AKAP6: variants seen among roughly 807,000 people sequenced by gnomAD.
The protein encoded by AKAP6 is A-kinase anchor protein 6.
In AKAP6, 58 loss-of-function variants were observed where a neutral mutation model predicts 188.5. The ratio of observed to expected loss-of-function variants is 0.31; its 90% CI spans 0.25 to 0.38. The LOEUF is 0.38. Ranked by LOEUF, AKAP6 falls within the 10% of genes least tolerant of loss-of-function variation. AKAP6 has a pLI of 1.00. For synonymous variants in AKAP6, 989 were observed against 998.6 expected (o/e 0.99, Z 0.18); for missense variants, 2,710 against 2,740.0 (o/e 0.99, Z 0.24).
chr14:32,815,439 T>TA (rs1398079339), intron 12 of AKAP6, among the ~76,000 whole-genome samples: 7 of 152,170 alleles, frequency 4.6e-5, no homozygotes, highest in African/African-American at 1.7e-4. Context: ...TTGCCTTTTT[T>TA]AAAAAAAGGT....
intron 9 of AKAP6, among the ~76,000 whole-genome samples, chr14:32,722,088 A>G (rs2030568585): frequency 6.6e-6 from 1 of 152,166 alleles, no homozygotes; most frequent in South Asian, 2.1e-4. Context: ...TCCTCTAAAT[A>G]TTCAAAATCT....
chr14:32,625,512 C>T (rs772423853), intron 7 of AKAP6, among the ~76,000 whole-genome samples: 1 of 151,968 alleles, frequency 6.6e-6, no homozygotes, highest in Non-Finnish European at 1.5e-5. Context: ...ATTATTCTAT[C>T]TGGGGCTATA....
At chr14:32,800,984 G>A (rs1178269159) in intron 12 of AKAP6, among the ~76,000 whole-genome samples, 1 of 152,022 alleles carries the variant, frequency 6.6e-6, no homozygotes, top group Non-Finnish European at 1.5e-5. Context: ...ACCACTACGT[G>A]CCAGCCTGGG....
chr14:32,585,748 T>G (rs1028140931), intron 5 of AKAP6, among the ~76,000 whole-genome samples: 2 of 152,032 alleles, frequency 1.3e-5, no homozygotes, highest in Admixed American at 6.6e-5. Flanking sequence ...TTTCTGGGAG[T>G]AGGGAACCTT....
chr14:32,428,074 A>G (rs186989380), intron 1 of AKAP6, among the ~76,000 whole-genome samples: 10 of 152,302 alleles, frequency 6.6e-5, no homozygotes, highest in Admixed American at 3.3e-4. Context: ...TCTTGCTGAG[A>G]CAGAGCAGGA....
chr14:32,569,026 A>C (rs1209535357), intron 4 of AKAP6, among the ~76,000 whole-genome samples: 1 of 152,206 alleles, frequency 6.6e-6, no homozygotes, highest in Middle Eastern at 3.2e-3. Context: ...CCATCATAAG[A>C]GTTAGGAATC....
chr14:32,788,696 G>A (rs1229540323), intron 12 of AKAP6, among the ~76,000 whole-genome samples: 2 of 152,162 alleles, frequency 1.3e-5, no homozygotes, highest in Non-Finnish European at 2.9e-5. Flanking sequence ...TAACTACCAG[G>A]TCTTTGGGTC....
intron 12 of AKAP6, among the ~76,000 whole-genome samples, chr14:32,789,767 A>C (rs936821464): frequency 6.6e-6 from 1 of 152,250 alleles, no homozygotes; most frequent in African/African-American, 2.4e-5. Flanking sequence ...AAAATGAGAA[A>C]GAATCGATGC....
chr14:32,756,980 G>T (rs994097445), intron 11 of AKAP6, among the ~76,000 whole-genome samples: 1 of 152,092 alleles, frequency 6.6e-6, no homozygotes, highest in Non-Finnish European at 1.5e-5. Flanking sequence ...TGTAGTCTGG[G>T]GCTGCAAAGG....
chr14:32,722,939 ATTGT>A (rs770861231), intron 9 of AKAP6, among the ~76,000 whole-genome samples: 88 of 152,136 alleles, frequency 5.8e-4, no homozygotes, highest in Non-Finnish European at 1.0e-3. Context: ...CTAAAAGAAC[ATTGT>A]TTGTAACATG....
chr14:32,600,463 T>C (rs1030223353), intron 6 of AKAP6, among the ~76,000 whole-genome samples, 166 bp from the exon 7 acceptor site: 13 of 152,208 alleles, frequency 8.5e-5, no homozygotes, highest in Non-Finnish European at 1.5e-4. Flanking sequence ...TGTTAAGAAT[T>C]GCCTGTCTCT....
At chr14:32,661,226 G>C (rs1028009843) in intron 7 of AKAP6, among the ~76,000 whole-genome samples, 1 of 151,900 alleles carries the variant, frequency 6.6e-6, no homozygotes, top group Non-Finnish European at 1.5e-5. Flanking sequence ...ATTACTACAG[G>C]ACCTCCTATA....
chr14:32,764,467 G>T (rs2032641111), intron 11 of AKAP6, among the ~76,000 whole-genome samples: 1 of 152,142 alleles, frequency 6.6e-6, no homozygotes, highest in African/African-American at 2.4e-5. Flanking sequence ...GGCCACTTCT[G>T]GTTAGAAATC....
At chr14:32,494,224 C>A (rs970233925) in intron 2 of AKAP6, 22 of 152,206 alleles carry the variant, frequency 1.4e-4, no homozygotes, top group African/African-American at 5.3e-4. Flanking sequence ...ATGCCCACCC[C>A]TTCCTGGAAA....
chr14:32,560,161 C>G (rs1883888294), intron 4 of AKAP6, among the ~76,000 whole-genome samples: 1 of 152,106 alleles, frequency 6.6e-6, no homozygotes, highest in Non-Finnish European at 1.5e-5. Context: ...TTTGGGAATT[C>G]TAAGTCAACA....
At chr14:32,385,456 A>T (rs747275109) in intron 1 of AKAP6, among the ~76,000 whole-genome samples, 1 of 146,760 alleles carries the variant, frequency 6.8e-6, no homozygotes, top group Admixed American at 6.9e-5. Flanking sequence ...TAGTGTTTGG[A>T]TACATGAGTA....
intron 11 of AKAP6, among the ~76,000 whole-genome samples, chr14:32,743,237 A>G (rs117709082): frequency 2.6e-5 from 4 of 152,078 alleles, no homozygotes; most frequent in East Asian, 3.9e-4. Context: ...CTGTCCCTAT[A>G]CTTTCAGTCT....
At chr14:32,348,635 A>C in intron 1 of AKAP6, among the ~76,000 whole-genome samples, 1 of 150,852 alleles carries the variant, frequency 6.6e-6, no homozygotes. Flanking sequence ...CTGGTCTTGA[A>C]CTCCTGATCT....
intron 7 of AKAP6, among the ~76,000 whole-genome samples, chr14:32,626,714 C>T (rs1887039608): frequency 6.6e-6 from 1 of 152,210 alleles, no homozygotes; most frequent in South Asian, 2.1e-4. Context: ...AATACTGCTT[C>T]ACCCATTAAG....
Sources: allele counts gnomAD v4.1 joint callset (sites outside exome capture counted in the v4.1 genomes callset), GRCh38; gene constraint gnomAD v4.1.1; transcripts MANE v1.5; gene names NCBI Gene and HGNC (gene_info 2026-07-23, HGNC 2026-07-21).